The following EPB41L4A variants were observed in gnomAD, a reference collection of about 807,000 sequenced individuals.
EPB41L4A encodes band 4.1-like protein 4A.
In EPB41L4A, 100 loss-of-function variants were observed where a neutral mutation model predicts 108.6. The observed-to-expected ratio is 0.92, with a 90% CI of 0.78 to 1.09. EPB41L4A has a LOEUF of 1.09. Among genes scored for constraint, EPB41L4A ranks in the 50% least tolerant of loss-of-function variants. The pLI, the probability that EPB41L4A is intolerant of heterozygous loss-of-function variation, is 0.00. For synonymous variants in EPB41L4A, 319 were observed against 289.0 expected, an observed-to-expected ratio of 1.10 and a Z score of -1.05; for missense variants, 1,030 against 842.7, an observed-to-expected ratio of 1.22 and a Z score of -2.75.
intron 13 of EPB41L4A, 46 bp downstream of exon 13, chr5:112,209,846 T>G: frequency 8.1e-7 from 1 of 1,242,224 alleles, no homozygotes; most frequent in South Asian, 1.3e-5. Flanking sequence ...AAAAGCATTT[T>G]TACAACAGCA....
At chr5:112,351,035 C>A (rs965285511) in intron 1 of EPB41L4A, among the ~76,000 whole-genome samples, 8 of 152,054 alleles carry the variant, frequency 5.3e-5, no homozygotes, top group African/African-American at 1.9e-4. Context: ...TATTTTTAGT[C>A]ACTTGAGAAA....
chr5:112,234,664 G>A lies in EPB41L4A; in HGVS notation c.1057C>T (p.Pro353Ser). The stretch of plus-strand genomic sequence containing the variant: ...GGCTGTGTTTGTGCTATTCGCTTAG[G>A]GTAAGTCTTGCTTCGACTTCTTGTC... ...NVTRSRSKTY[P>S]KRIAQTQPAE... is the part of the protein sequence containing the mutation. The change falls in exon 12 of 23, where the codon CCT becomes TCT. Residue 353 changes from proline to serine, a missense_variant. Transcript: ENST00000261486. 2 of 1,613,582 alleles carry A rather than the reference G, an allele frequency of 1.2e-6. No homozygotes were observed. The highest frequency in any genetic ancestry group is 1.7e-6 in the Non-Finnish European group (2 of 1,179,668).
intron 18 of EPB41L4A, among the ~76,000 whole-genome samples, chr5:112,172,261 A>G (rs1454596765): frequency 6.6e-6 from 1 of 152,238 alleles, no homozygotes; most frequent in Non-Finnish European, 1.5e-5. Context: ...CTGTAATCCC[A>G]GCACTTTGGG....
chr5:112,195,547 G>A (rs1160019463), intron 16 of EPB41L4A, 114 bp downstream of exon 16: 1 of 873,736 alleles, frequency 1.1e-6, no homozygotes, highest in Non-Finnish European at 1.8e-6. Flanking sequence ...ACTGGCTTTT[G>A]AAAGTAAAAA....
chr5:112,166,108 T>TGA lies in EPB41L4A; in HGVS notation c.1933-992_1933-991dup, dbSNP rs537012503. On this transcript the variant is annotated intron_variant, in intron 22 of 22. Transcript: ENST00000261486. ...ACTATGTTGTAAGTTTGTCTAGGATTGAATCTGTCCACTCTGCAGACCTTA... is the reference window on the plus strand; with the variant it reads ...ACTATGTTGTAAGTTTGTCTAGGATTGAGAATCTGTCCACTCTGCAGACCTTA... Among the ~76,000 whole-genome samples, 28 of 152,334 alleles carry TGA rather than the reference T, an allele frequency of 1.8e-4. No individual in the cohort carries two copies. In the East Asian group the frequency reaches 5.2e-3, roughly 28 times the overall value.
chr5:112,179,426 C>G (rs1021886477), intron 18 of EPB41L4A, among the ~76,000 whole-genome samples: 1 of 151,986 alleles, frequency 6.6e-6, no homozygotes, highest in Non-Finnish European at 1.5e-5. Context: ...AGAAAAAAAT[C>G]TTAACAAGGT....
At chr5:112,180,838 T>C (rs1400230410) in intron 18 of EPB41L4A, among the ~76,000 whole-genome samples, 3 of 152,036 alleles carry the variant, frequency 2.0e-5, no homozygotes, top group Non-Finnish European at 4.4e-5. Flanking sequence ...CCAGAATACA[T>C]AAATAACCTA....
chr5:112,217,828 T>C (rs1177444606), intron 12 of EPB41L4A, among the ~76,000 whole-genome samples: 1 of 152,164 alleles, frequency 6.6e-6, no homozygotes, highest in Non-Finnish European at 1.5e-5. Context: ...GGCATTCTAC[T>C]GAAAAGCTGG....
intron 18 of EPB41L4A, among the ~76,000 whole-genome samples, chr5:112,179,531 T>G (rs534064850): frequency 6.6e-6 from 1 of 152,234 alleles, no homozygotes. Flanking sequence ...CATTCAAAAT[T>G]GAATCCATTT....
At chr5:112,381,826 T>C (rs553166986) in intron 1 of EPB41L4A, among the ~76,000 whole-genome samples, 1 of 152,316 alleles carries the variant, frequency 6.6e-6, no homozygotes, top group South Asian at 2.1e-4. Context: ...CCTTCCATAA[T>C]GTGAAAATGA....
chr5:112,330,860 G>C (rs960902798), intron 1 of EPB41L4A, among the ~76,000 whole-genome samples: 1 of 151,980 alleles, frequency 6.6e-6, no homozygotes, highest in Non-Finnish European at 1.5e-5. Context: ...GATTACCTTC[G>C]GAGACAGCAG....
At position 112,340,534 on chromosome 5, in the gene EPB41L4A, G is replaced by A. The variant is rs535865703; in HGVS notation, c.100-33044C>T. On this transcript the variant is annotated intron_variant, in intron 1 of 22. Coordinates refer to ENST00000261486, the MANE Select transcript of EPB41L4A (RefSeq NM_022140.5). ...TGAGAAGGGTGGGAAGTCTTACTTAGATTACTTCCTTCAATAAGGAAATAT... is the reference window on the plus strand; with the variant it reads ...TGAGAAGGGTGGGAAGTCTTACTTAAATTACTTCCTTCAATAAGGAAATAT... Among the ~76,000 whole-genome samples, 48 of 152,298 alleles carry A rather than the reference G, an allele frequency of 3.2e-4. 2 individuals carry two copies. The South Asian group carries it at 1.0e-2, about 32-fold the overall frequency.
intron 12 of EPB41L4A, 58 bp from the exon 13 acceptor site, chr5:112,210,040 A>C: frequency 9.9e-7 from 1 of 1,011,774 alleles, no homozygotes; most frequent in Non-Finnish European, 1.5e-6. Flanking sequence ...AAGGAAATGA[A>C]AGAAACAGAA....
intron 4 of EPB41L4A, among the ~76,000 whole-genome samples, chr5:112,271,036 C>G (rs990524832): frequency 6.6e-6 from 1 of 152,168 alleles, no homozygotes; most frequent in African/African-American, 2.4e-5. Context: ...GACAGATTCT[C>G]TCTTCGGGCA....
intron 12 of EPB41L4A, among the ~76,000 whole-genome samples, chr5:112,148,981 A>G (rs946868977): frequency 1.3e-5 from 2 of 152,228 alleles, no homozygotes; most frequent in African/African-American, 4.8e-5. Context: ...ATTATCTTGT[A>G]AAATTCAGAA....
chr5:112,369,639 T>TA (rs1759356220), intron 1 of EPB41L4A, among the ~76,000 whole-genome samples: 1 of 152,266 alleles, frequency 6.6e-6, no homozygotes, highest in Non-Finnish European at 1.5e-5. Context: ...ATAGTTGTTT[T>TA]ATCTCCATTG....
Position 112,360,671 on chromosome 5 carries a change from A to T in EPB41L4A, c.100-53181T>A, listed in dbSNP as rs953597290. On this transcript the variant is annotated intron_variant, in intron 1 of 22. Transcript: ENST00000261486. ...GCCTTGGCCTCCCAAAGTGCCGAGA[A>T]TGCAGCCTCTGCCCGGCTGCCACCC... Among the ~76,000 whole-genome samples, 23 of 152,256 alleles carry T rather than the reference A, an allele frequency of 1.5e-4. No individual in the cohort carries two copies. The East Asian group carries it at 3.5e-3, about 23-fold the overall frequency.
chr5:112,224,336 C>G (rs577156504), intron 12 of EPB41L4A, among the ~76,000 whole-genome samples: 1 of 152,126 alleles, frequency 6.6e-6, no homozygotes, highest in Non-Finnish European at 1.5e-5. Context: ...ATTTTATAAT[C>G]TGGGAAGATC....
Position 112,184,275 on chromosome 5 carries a change from GAATT to G in EPB41L4A, c.1503-144_1503-141del, listed in dbSNP as rs1761316519. On this transcript the variant is annotated intron_variant, in intron 17 of 22. Transcript: ENST00000261486. ...TTATAGCTAAAGATGCATATTAACTGAATTAATATATCCATATGTAGGTAAGCAT... is the reference window on the plus strand; with the variant it reads ...TTATAGCTAAAGATGCATATTAACTGAATATATCCATATGTAGGTAAGCAT... 43 of 889,610 alleles carry G rather than the reference GAATT, an allele frequency of 4.8e-5. 1 individual carries two copies. The South Asian group carries it at 7.3e-4, about 15-fold the overall frequency. The allele number at this position is 889,610 out of a possible 1,614,324, so 55.1% of individuals were successfully genotyped here. A position where few individuals can be genotyped will look rare whatever the true frequency, so the allele number is the denominator to read the frequency against.
Sources: allele counts gnomAD v4.1 joint callset (sites outside exome capture counted in the v4.1 genomes callset), GRCh38; gene constraint gnomAD v4.1.1; transcripts MANE v1.5; gene names NCBI Gene and HGNC (gene_info 2026-07-23, HGNC 2026-07-21).